The following RASAL2 variants were observed in gnomAD, a reference collection of about 807,000 sequenced individuals.
The protein encoded by RASAL2 is ras GTPase-activating protein nGAP.
Under a neutral mutation model 128.9 loss-of-function variants are expected in RASAL2, and 58 were observed. The ratio of observed to expected loss-of-function variants is 0.45; its 90% CI spans 0.36 to 0.56. RASAL2 has a LOEUF of 0.56. RASAL2 is among the 20% of genes least tolerant of loss of function. The pLI, the probability that RASAL2 is intolerant of heterozygous loss-of-function variation, is 0.00. For missense variants in RASAL2, 1,360 were observed against 1,601.6 expected, an observed-to-expected ratio of 0.85 and a Z score of 2.57; for synonymous variants, 561 against 580.8, an observed-to-expected ratio of 0.97 and a Z score of 0.49.
intron 17 of RASAL2, among the ~76,000 whole-genome samples, chr1:178,468,739 A>G (rs921527780): frequency 6.6e-6 from 1 of 152,206 alleles, no homozygotes; most frequent in African/African-American, 2.4e-5. Flanking sequence ...ATCTTTCTAG[A>G]TGCCCCCAGG....
At chr1:178,376,686 C>A (rs1672004487) in intron 3 of RASAL2, among the ~76,000 whole-genome samples, 1 of 152,086 alleles carries the variant, frequency 6.6e-6, no homozygotes, top group South Asian at 2.1e-4. Flanking sequence ...TTTGTGTACC[C>A]ATTTATGTTG....
At chr1:178,317,894 A>C (rs1265414465) in intron 3 of RASAL2, among the ~76,000 whole-genome samples, 1 of 151,600 alleles carries the variant, frequency 6.6e-6, no homozygotes, top group Non-Finnish European at 1.5e-5. Context: ...TAGGGTGTCA[A>C]TTTTGGATCT....
chr1:178,329,584 A>G (rs901892713), intron 3 of RASAL2, among the ~76,000 whole-genome samples: 38 of 152,222 alleles, frequency 2.5e-4, no homozygotes, highest in African/African-American at 9.2e-4. Context: ...TAGTAATATT[A>G]GAGGCTGAGA....
chr1:178,204,884 G>T (rs1356824991), intron 1 of RASAL2, among the ~76,000 whole-genome samples: 4 of 152,188 alleles, frequency 2.6e-5, no homozygotes, highest in African/African-American at 9.6e-5. Context: ...AGGAAAATGT[G>T]AAGGCTTCCA....
chr1:178,298,443 A>G (rs1667613458), intron 2 of RASAL2, among the ~76,000 whole-genome samples: 1 of 152,214 alleles, frequency 6.6e-6, no homozygotes, highest in African/African-American at 2.4e-5. Context: ...TGAAAATTTG[A>G]AGTGCCTATG....
intron 1 of RASAL2, among the ~76,000 whole-genome samples, chr1:178,229,727 G>A (rs1663926178): frequency 6.6e-6 from 1 of 152,088 alleles, no homozygotes; most frequent in South Asian, 2.1e-4. Flanking sequence ...TACACAGAAA[G>A]TGGTTTCTGA....
chr1:178,443,745 A>T (rs534761006), intron 8 of RASAL2, among the ~76,000 whole-genome samples: 152 of 152,302 alleles, frequency 1.0e-3, no homozygotes, highest in Non-Finnish European at 1.9e-3. Flanking sequence ...CTGTTTCATG[A>T]TACACTTATT....
chr1:178,325,401 C>T (rs752680636), intron 3 of RASAL2, among the ~76,000 whole-genome samples: 5 of 151,818 alleles, frequency 3.3e-5, no homozygotes, highest in Admixed American at 6.6e-5. Flanking sequence ...GTAGTGCCAC[C>T]GAAGAGTCAA....
At chr1:178,460,420 T>C (rs1430889208) in intron 14 of RASAL2, among the ~76,000 whole-genome samples, 1 of 152,224 alleles carries the variant, frequency 6.6e-6, no homozygotes, top group Non-Finnish European at 1.5e-5. Context: ...CTGGAACCAG[T>C]TGTCATTTAT....
intron 2 of RASAL2, among the ~76,000 whole-genome samples, chr1:178,297,803 G>A (rs1363094473): frequency 6.6e-6 from 1 of 151,962 alleles, no homozygotes; most frequent in Non-Finnish European, 1.5e-5. Context: ...ATAATTGAGT[G>A]AATTTTAGGC....
chr1:178,221,845 A>G (rs1663623509), intron 1 of RASAL2, among the ~76,000 whole-genome samples: 2 of 152,244 alleles, frequency 1.3e-5, no homozygotes, highest in Non-Finnish European at 1.5e-5. Flanking sequence ...TCCATTTCTG[A>G]TAAGAGGGCT....
At chr1:178,437,449 C>G (rs1346182475) in intron 5 of RASAL2, among the ~76,000 whole-genome samples, 1 of 152,088 alleles carries the variant, frequency 6.6e-6, no homozygotes. Context: ...TGCCAGGTGG[C>G]TCTACCATTG....
At chr1:178,324,344 C>T (rs941425780) in intron 3 of RASAL2, among the ~76,000 whole-genome samples, 1 of 151,454 alleles carries the variant, frequency 6.6e-6, no homozygotes, top group African/African-American at 2.4e-5. Context: ...TGCTTTGGTC[C>T]AGGATTTTGA....
chr1:178,191,577 C>T (rs952409418), intron 1 of RASAL2, among the ~76,000 whole-genome samples: 1 of 152,202 alleles, frequency 6.6e-6, no homozygotes, highest in East Asian at 1.9e-4. Flanking sequence ...CTTTCTCTGC[C>T]GTTTACACGT....
At position 178,094,626 on chromosome 1, in the gene RASAL2, C is replaced by T; in HGVS notation, c.134C>T (p.Ala45Val). The T allele has an allele frequency of 2.5e-6, 4 of 1,613,756 alleles. No homozygotes were observed. Among genetic ancestry groups the T allele is most frequent in the South Asian group, 2.2e-5 (2 of 90,970 alleles). Residue 45 changes from alanine to valine, a missense_variant, in exon 1 of 18, where the codon GCC (alanine) becomes GTC (valine). Physicochemically the swap from Ala to Val is moderately conservative, Grantham distance 64 (BLOSUM62 0). This residue lies in a region of RASAL2 where 617 missense variants were observed against 714.2 expected (regional missense o/e 0.86). Transcript: ENST00000367649. Reference protein sequence around the residue: ...DAVVPVSGAVAGGMLDRILLE... With the variant: ...DAVVPVSGAVVGGMLDRILLE... ...GTTGTCCCAGTCAGTGGAGCCGTCGCCGGTGGCATGTTGGATCGGATCCTT... is the reference window on the plus strand; with the variant it reads ...GTTGTCCCAGTCAGTGGAGCCGTCGTCGGTGGCATGTTGGATCGGATCCTT...
At chr1:178,354,347 T>C (rs995997871) in intron 3 of RASAL2, among the ~76,000 whole-genome samples, 3 of 152,186 alleles carry the variant, frequency 2.0e-5, no homozygotes, top group African/African-American at 7.2e-5. Context: ...GAAAAGAATT[T>C]CTTTACTCTG....
In RASAL2 at chr1:178,458,146, A is replaced by C; in HGVS notation, c.2854A>C (p.Ser952Arg). ...CAGTTTGGAGAACCTAAGCACTGCC[A>C]GTTCCAGAAGCCAAAGTAACAGTGA... ...DSSLENLSTA[S>R]SRSQSNSEDF... Residue 952 changes from serine to arginine, a missense_variant, in exon 14 of 18, where the codon AGT (serine) becomes CGT (arginine). By Grantham distance (110) the Ser-to-Arg change is moderately radical (BLOSUM62 -1). Transcript: ENST00000367649. The C allele has an allele frequency of 1.2e-6, 2 of 1,614,246 alleles. No homozygotes were observed. Among genetic ancestry groups the C allele is most frequent in the Non-Finnish European group, 1.7e-6 (2 of 1,180,036 alleles).
At chr1:178,345,268 G>C (rs151209893) in intron 3 of RASAL2, among the ~76,000 whole-genome samples, 1 of 152,228 alleles carries the variant, frequency 6.6e-6, no homozygotes, top group East Asian at 1.9e-4. Flanking sequence ...AAGTAGTTTA[G>C]GTTTGTGCAG....
chr1:178,230,919 G>A (rs771458351), intron 1 of RASAL2, among the ~76,000 whole-genome samples: 5 of 152,094 alleles, frequency 3.3e-5, no homozygotes, highest in African/African-American at 2.4e-5. Context: ...GTGAGTGTGC[G>A]CAGTGTGTTT....
Sources: gnomAD v4.1 joint callset for allele counts (sites outside exome capture counted in the v4.1 genomes callset) on GRCh38, gnomAD v4.1.1 for gene constraint, gnomAD v4.1.1 regional missense constraint, MANE v1.5 for transcripts, NCBI Gene and HGNC (gene_info 2026-07-23, HGNC 2026-07-21) for gene names.